Variants in ZNRF3 observed in about 807,000 individuals in gnomAD.
The protein encoded by ZNRF3 is E3 ubiquitin-protein ligase ZNRF3.
A neutral mutation model predicts 72.5 loss-of-function variants in ZNRF3; 23 were observed. The observed-to-expected ratio is 0.32, with a 90% CI of 0.23 to 0.45. The LOEUF is 0.45. Among genes scored for constraint, ZNRF3 ranks in the 20% least tolerant of loss-of-function variants. The pLI is 1.00. For synonymous variants in ZNRF3, 610 were observed against 545.3 expected, an observed-to-expected ratio of 1.12 and a Z score of -1.65; for missense variants, 1,169 against 1,272.1, an observed-to-expected ratio of 0.92 and a Z score of 1.23.
intron 1 of ZNRF3, among the ~76,000 whole-genome samples, chr22:28,948,036 G>A (rs2035085683): frequency 6.6e-6 from 1 of 151,830 alleles, no homozygotes. Context: ...GTAGAGACGG[G>A]GTTTCACCGT....
rs982496330 is a variant in ZNRF3 at position 29,057,251 on chromosome 22, A to G, written c.*3629A>G. 1 of 152,216 alleles carries G rather than the reference A, an allele frequency of 6.6e-6. No homozygotes were observed. Among genetic ancestry groups the G allele is most frequent in the Non-Finnish European group, 1.5e-5 (1 of 68,034 alleles). The allele number at this position is 152,216 out of a possible 1,614,324, so 9.4% of individuals were successfully genotyped here. ...TCATTTATGGAAATATGTTCTCAGA[A>G]TATTTATTTACTAATATATTTATCT... On this transcript the variant is annotated 3_prime_UTR_variant, in exon 9 of 9. Transcript: ENST00000544604.
At chr22:28,929,758 T>C (rs2034672244) in intron 1 of ZNRF3, among the ~76,000 whole-genome samples, 1 of 152,186 alleles carries the variant, frequency 6.6e-6, no homozygotes, top group African/African-American at 2.4e-5. Context: ...TCTGATACTG[T>C]TGGGACCTGT....
rs377364627 is a variant in ZNRF3 at position 28,981,242 on chromosome 22, A to C, written c.301-5834A>C. Among the ~76,000 whole-genome samples, 17 of 152,342 alleles carry C rather than the reference A, an allele frequency of 1.1e-4. No homozygotes were observed. In the East Asian group the frequency reaches 1.5e-3, roughly 14 times the overall value. ...TGGTGTGGAAGTAGTGTCTAGCTGA[A>C]ACTTTGGGAGAGTTTAGGAATTTCT... is the stretch of plus-strand genomic sequence containing the variant. On this transcript the variant is annotated intron_variant, in intron 1 of 8. Coordinates refer to ENST00000544604, the MANE Select transcript of ZNRF3 (RefSeq NM_001206998.2).
At chr22:28,995,167 C>A (rs1280205867) in intron 2 of ZNRF3, among the ~76,000 whole-genome samples, 1 of 152,220 alleles carries the variant, frequency 6.6e-6, no homozygotes, top group East Asian at 1.9e-4. Flanking sequence ...GGCGGGGTGG[C>A]TCACGCCTGT....
chr22:28,908,840 T>TA (rs1198548457), intron 1 of ZNRF3, among the ~76,000 whole-genome samples: 1 of 152,216 alleles, frequency 6.6e-6, no homozygotes, highest in African/African-American at 2.4e-5. Context: ...GCTATTGGTC[T>TA]AGTAGAGACC....
At chr22:28,942,129 G>T (rs2034958581) in intron 1 of ZNRF3, among the ~76,000 whole-genome samples, 1 of 152,220 alleles carries the variant, frequency 6.6e-6, no homozygotes, top group Non-Finnish European at 1.5e-5. Flanking sequence ...TGTACCTCTA[G>T]CCCGGTGAAC....
At chr22:28,966,275 C>T (rs745356585) in intron 1 of ZNRF3, among the ~76,000 whole-genome samples, 31 of 152,144 alleles carry the variant, frequency 2.0e-4, no homozygotes, top group Non-Finnish European at 4.1e-4. Context: ...AGTCATGTGT[C>T]GCATAATGAC....
At chr22:28,948,196 G>A (rs1049256840) in intron 1 of ZNRF3, among the ~76,000 whole-genome samples, 11 of 150,280 alleles carry the variant, frequency 7.3e-5, no homozygotes, top group South Asian at 2.1e-4. Context: ...ATGTGGTCCT[G>A]CTCTGTCGCC....
At chr22:28,929,717 C>T (rs186723643) in intron 1 of ZNRF3, among the ~76,000 whole-genome samples, 2 of 152,248 alleles carry the variant, frequency 1.3e-5, no homozygotes, top group Admixed American at 6.5e-5. Flanking sequence ...TGCCTTTTCA[C>T]GATTTTCACA....
chr22:29,034,987 G>A (rs546663060), intron 2 of ZNRF3, among the ~76,000 whole-genome samples: 61 of 145,768 alleles, frequency 4.2e-4, no homozygotes, highest in Middle Eastern at 3.6e-3. Context: ...AGGGCAGTCT[G>A]CTTTGTTAGA....
intron 1 of ZNRF3, among the ~76,000 whole-genome samples, chr22:28,924,648 G>T (rs921523677): frequency 4.6e-5 from 7 of 152,014 alleles, no homozygotes; most frequent in African/African-American, 1.7e-4. Flanking sequence ...AAGGTGGGAG[G>T]ATCGCTTGAG....
chr22:28,982,753 C>T (rs2035788261), intron 1 of ZNRF3, among the ~76,000 whole-genome samples: 1 of 152,146 alleles, frequency 6.6e-6, no homozygotes. Context: ...ACTACTTCTG[C>T]TTCTCTATAA....
chr22:29,052,157 C>T (rs566737269), intron 8 of ZNRF3, among the ~76,000 whole-genome samples: 42 of 152,292 alleles, frequency 2.8e-4, no homozygotes, highest in African/African-American at 9.9e-4. Flanking sequence ...CTCTGAGTAG[C>T]ACTGCAACAA....
At position 29,049,990 on chromosome 22, in the gene ZNRF3, C is replaced by T. The variant is rs748091845; in HGVS notation, c.1809C>T (p.Ser603=). ...DYDPFIYRSR[S]PCRASEAGGS... ...ACCCCTTCATCTACCGCAGCCGGAG[C>T]CCCTGTCGTGCCAGTGAGGCGGGGG... The change falls in exon 8 of 9, where the codon AGC becomes AGT. Residue 603 remains serine (S), a synonymous_variant. Coordinates refer to ENST00000544604, the MANE Select transcript of ZNRF3 (RefSeq NM_001206998.2). This position sits in a 1 kb window ranked among gnomAD's most constrained non-coding sequence, Gnocchi z 5.2. 1.2e-6 allele frequency: 2 copies of T among 1,612,252 alleles called. No homozygotes were observed. The highest frequency in any genetic ancestry group is 1.7e-6 in the Non-Finnish European group (2 of 1,179,746).
chr22:28,919,756 C>T (rs913210220), intron 1 of ZNRF3, among the ~76,000 whole-genome samples: 2 of 152,072 alleles, frequency 1.3e-5, no homozygotes, highest in Non-Finnish European at 2.9e-5. Context: ...ATTCGCTTGC[C>T]TCAGCCTCCC....
chr22:29,051,316 G>A (rs1451927650), intron 8 of ZNRF3, among the ~76,000 whole-genome samples: 1 of 152,154 alleles, frequency 6.6e-6, no homozygotes, highest in Non-Finnish European at 1.5e-5. Flanking sequence ...GGGAGGCCGA[G>A]GCTGTGGATC....
At chr22:28,947,130 A>G (rs1300882420) in intron 1 of ZNRF3, among the ~76,000 whole-genome samples, 1 of 152,174 alleles carries the variant, frequency 6.6e-6, no homozygotes, top group Non-Finnish European at 1.5e-5. Flanking sequence ...TTTATTTTGA[A>G]TCCTTTAAAT....
rs755670080 is a variant in ZNRF3, at chr22:29,050,863, G to A, written c.2682G>A (p.Pro894=). The A allele has an allele frequency of 2.6e-5, 42 of 1,598,594 alleles. 1 individual carries two copies. The Middle Eastern group carries it at 5.0e-4, about 19-fold the overall frequency. Residue 894 remains proline, a synonymous_variant, in exon 8 of 9, where the codon CCG becomes CCA. Coordinates refer to ENST00000544604, the MANE Select transcript of ZNRF3 (RefSeq NM_001206998.2). ...ARALLRPGCP[P]EEAGAVRANF... ...CCCTACTGCGGCCTGGCTGCCCTCCGGAGGAGGCGGGTGCTGTCAGGGCCA... is the reference window on the plus strand; with the variant it reads ...CCCTACTGCGGCCTGGCTGCCCTCCAGAGGAGGCGGGTGCTGTCAGGGCCA...
chr22:29,041,500 C>T (rs575193069), intron 2 of ZNRF3, among the ~76,000 whole-genome samples: 2 of 152,254 alleles, frequency 1.3e-5, no homozygotes, highest in South Asian at 2.1e-4. Context: ...AAAAGAATCC[C>T]GTCACTTCTC....
Sources: gnomAD v4.1 joint callset for allele counts (sites outside exome capture counted in the v4.1 genomes callset) on GRCh38, gnomAD v4.1.1 for gene constraint, Gnocchi (gnomAD v3.1) non-coding constraint, MANE v1.5 for transcripts, NCBI Gene and HGNC (gene_info 2026-07-23, HGNC 2026-07-21) for gene names.